HAPLN2: variants seen among roughly 807,000 people sequenced by gnomAD.
HAPLN2 encodes brain link protein-1.
Under a neutral mutation model 29.3 loss-of-function variants are expected in HAPLN2, and 27 were observed. The ratio of observed to expected loss-of-function variants is 0.92; its 90% CI spans 0.68 to 1.27. The LOEUF (loss-of-function observed/expected upper bound fraction) is 1.27. HAPLN2 is among the 50% of genes most tolerant of loss of function. HAPLN2 has a pLI of 0.00. For missense variants in HAPLN2, 454 were observed against 484.3 expected (o/e 0.94, Z 0.59); for synonymous variants, 208 against 211.7 (o/e 0.98, Z 0.15).
At chr1:156,602,549 CAAAAAAAAA>C in the HAPLN2 span, among the ~76,000 whole-genome samples, 11 of 43,790 alleles carry the variant, frequency 2.5e-4, no homozygotes, top group East Asian at 3.2e-3. Context: ...CTAAAAATAC[CAAAAAAAAA>C]AAAAAAAAAA....
chr1:156,625,629 C>A lies in HAPLN2; in HGVS notation c.*245C>A. ...CTCGGACCCGCTGCCGTTCGCGAACCCTAGCAGAGGACTCAGCCACCGCCG... is the reference window on the plus strand; with the variant it reads ...CTCGGACCCGCTGCCGTTCGCGAACACTAGCAGAGGACTCAGCCACCGCCG... On this transcript the variant is annotated 3_prime_UTR_variant, in exon 7 of 7. Coordinates refer to ENST00000255039, the MANE Select transcript of HAPLN2 (RefSeq NM_021817.3). This position sits in a 1 kb window ranked among gnomAD's most constrained non-coding sequence, Gnocchi z 5.7. 1 of 456,052 alleles carries A rather than the reference C, an allele frequency of 2.2e-6. No individual in the cohort carries two copies. The highest frequency in any genetic ancestry group is 3.8e-6 in the Non-Finnish European group (1 of 260,978). The allele number at this position is 456,052 out of a possible 1,614,324, so 28.3% of individuals were successfully genotyped here. A position where few individuals can be genotyped will look rare whatever the true frequency, so the allele number is the denominator to read the frequency against.
In HAPLN2 at chr1:156,624,441, T is replaced by C. The variant is rs753055672; in HGVS notation, c.530T>C (p.Leu177Pro). The change falls in exon 5 of 7, where the codon CTG becomes CCG. Residue 177 changes from leucine (L) to proline (P), a missense_variant. Physicochemically the swap from Leu to Pro is moderately conservative, Grantham distance 98. This residue lies in a region of HAPLN2 where 15 missense variants were observed against 38.3 expected (regional missense o/e 0.39). Coordinates refer to ENST00000255039, the MANE Select transcript of HAPLN2 (RefSeq NM_021817.3). ...GCGTGCGAGGAGCAGGACGGACGCCTGGCCACCTACTCCCAGCTCTACCAG... is the reference window on the plus strand; with the variant it reads ...GCGTGCGAGGAGCAGGACGGACGCCCGGCCACCTACTCCCAGCTCTACCAG... ...KQACEEQDGRLATYSQLYQAW... is the reference protein window; with the variant it reads ...KQACEEQDGRPATYSQLYQAW... 1 of 1,612,554 alleles carries C rather than the reference T, an allele frequency of 6.2e-7. No individual in the cohort carries two copies.
the HAPLN2 span, among the ~76,000 whole-genome samples, chr1:156,613,281 G>T: frequency 8.5e-5 from 13 of 152,308 alleles, no homozygotes; most frequent in East Asian, 2.5e-3. Context: ...AACCCGGGAG[G>T]CAGAGGTTGC....
At chr1:156,611,726 A>C in the HAPLN2 span, among the ~76,000 whole-genome samples, 1 of 152,212 alleles carries the variant, frequency 6.6e-6, no homozygotes, top group Non-Finnish European at 1.5e-5. Flanking sequence ...TACCAGTGAT[A>C]ATGCCTAAAA....
the HAPLN2 span, among the ~76,000 whole-genome samples, chr1:156,606,607 C>T: frequency 6.6e-6 from 1 of 151,710 alleles, no homozygotes; most frequent in South Asian, 2.1e-4. Flanking sequence ...CTCAGCCTCC[C>T]AAGTAGCTGG....
At chr1:156,613,485 G>A in the HAPLN2 span, among the ~76,000 whole-genome samples, 3 of 152,212 alleles carry the variant, frequency 2.0e-5, no homozygotes, top group African/African-American at 4.8e-5. Context: ...ATTGTATCAA[G>A]TTCTGCAGGT....
In HAPLN2 at chr1:156,625,403, C is replaced by A. The variant is rs747011982; in HGVS notation, c.*19C>A. 4.2e-5 allele frequency: 66 copies of A among 1,556,030 alleles called. No individual in the cohort carries two copies. The highest frequency in any genetic ancestry group is 2.2e-4 in the South Asian group (19 of 85,316). ...GAATTAGGCGCCCACCGTGTCCCCT[C>A]CAGCGCGCGCGAAGAAGCTTGGGAG... is the stretch of plus-strand genomic sequence containing the variant. On this transcript the variant is annotated 3_prime_UTR_variant, in exon 7 of 7. Transcript: ENST00000255039. This position sits in a 1 kb window ranked among gnomAD's most constrained non-coding sequence, Gnocchi z 5.7.
upstream of HAPLN2, among the ~76,000 whole-genome samples, chr1:156,616,053 C>T (rs1038600344): frequency 6.6e-6 from 1 of 152,196 alleles, no homozygotes. Context: ...ACACAACAAT[C>T]CTAGTCATAA....
At chr1:156,601,531 C>CA in the HAPLN2 span, 1 of 1,444,988 alleles carries the variant, frequency 6.9e-7, no homozygotes, top group Non-Finnish European at 9.5e-7. Context: ...CCGCGGGAAC[C>CA]AAAATCACGG....
At chr1:156,608,352 A>G in the HAPLN2 span, among the ~76,000 whole-genome samples, 18 of 152,110 alleles carry the variant, frequency 1.2e-4, no homozygotes, top group African/African-American at 3.6e-4. Context: ...ATCTGGATGA[A>G]GCCCTGTCTC....
Position 156,625,268 on chromosome 1 carries a change from C to G in HAPLN2, c.907C>G (p.Pro303Ala), listed in dbSNP as rs755955123. Residue 303 changes from proline to alanine, a missense_variant, in exon 7 of 7, where the codon CCA (proline) becomes GCA (alanine). Physicochemically the swap from Pro to Ala is conservative, Grantham distance 27 (BLOSUM62 -1). This residue lies in a region of HAPLN2 where 235 missense variants were observed against 236.9 expected (regional missense o/e 0.99). Coordinates refer to ENST00000255039, the MANE Select transcript of HAPLN2 (RefSeq NM_021817.3). This position sits in a 1 kb window ranked among gnomAD's most constrained non-coding sequence, Gnocchi z 5.7. ...GCTGGCTGACGGCAGTGTGCGCTTCCCAATCACCACGCCGAGGCCGCGCTG... is the reference window on the plus strand; with the variant it reads ...GCTGGCTGACGGCAGTGTGCGCTTCGCAATCACCACGCCGAGGCCGCGCTG... ...GWLADGSVRF[P>A]ITTPRPRCGG... 1.9e-6 allele frequency: 3 copies of G among 1,576,530 alleles called. No homozygotes were observed. The South Asian group carries it at 3.5e-5, about 18-fold the overall frequency.
At chr1:156,620,348 A>G (rs1036271619) in intron 2 of HAPLN2, among the ~76,000 whole-genome samples, 190 bp downstream of exon 2, 1 of 152,140 alleles carries the variant, frequency 6.6e-6, no homozygotes, top group African/African-American at 2.4e-5. Flanking sequence ...AAATAGGTGC[A>G]CCTTGGTTTC....
chr1:156,602,285 C>T, the HAPLN2 span, among the ~76,000 whole-genome samples: 1 of 152,042 alleles, frequency 6.6e-6, no homozygotes, highest in Non-Finnish European at 1.5e-5. Context: ...GAACTTGTCC[C>T]TTTGGTACTG....
At chr1:156,609,813 C>T in the HAPLN2 span, among the ~76,000 whole-genome samples, 3 of 152,286 alleles carry the variant, frequency 2.0e-5, no homozygotes, top group African/African-American at 7.2e-5. Flanking sequence ...TCAGGTACTA[C>T]GCTTACTACC....
At position 156,623,053 on chromosome 1, in the gene HAPLN2, T is replaced by TAAAAAAAATA. The variant is rs1553235352; in HGVS notation, c.-24-411_-24-410insAAAAATAAAA. Among the ~76,000 whole-genome samples the TAAAAAAAATA allele has an allele frequency of 2.7e-4, 30 of 112,802 alleles. 2 individuals carry two copies. Among genetic ancestry groups the TAAAAAAAATA allele is most frequent in the African/African-American group, 7.1e-4 (22 of 31,126 alleles). The allele number at this position is 112,802 out of a possible 152,430, so 74.0% of individuals were successfully genotyped here. A position where few individuals can be genotyped will look rare whatever the true frequency, so the allele number is the denominator to read the frequency against. ...TGTCTCAAAAAAATAAATAAATAAA[T>TAAAAAAAATA]AAATAAATAAATAAATAAATAAATA... On this transcript the variant is annotated intron_variant, in intron 2 of 6. Transcript: ENST00000255039.
the HAPLN2 span, among the ~76,000 whole-genome samples, chr1:156,606,417 T>A: frequency 8.7e-6 from 1 of 115,594 alleles, no homozygotes; most frequent in South Asian, 3.6e-4. Flanking sequence ...AGAGTGAGAC[T>A]CTGTCTAAAA....
chr1:156,624,909 G>GGGGGCCCCCCCCCC, intron 6 of HAPLN2, 126 bp downstream of exon 6: 2 of 999,512 alleles, frequency 2.0e-6, no homozygotes, highest in Non-Finnish European at 2.8e-6. Flanking sequence ...CCCCCCATCA[G>GGGGGCCCCCCCCCC]CCCGCCCGCC....
chr1:156,612,684 G>C, the HAPLN2 span, among the ~76,000 whole-genome samples: 1 of 152,118 alleles, frequency 6.6e-6, no homozygotes, highest in African/African-American at 2.4e-5. Context: ...AAACACTAAA[G>C]CTGTCCTTAG....
the HAPLN2 span, among the ~76,000 whole-genome samples, chr1:156,602,007 C>T: frequency 6.6e-6 from 1 of 151,840 alleles, no homozygotes; most frequent in South Asian, 2.1e-4. Flanking sequence ...GATATCGACT[C>T]ACTCACTGTA....
Sources: gnomAD v4.1 joint callset for allele counts (sites outside exome capture counted in the v4.1 genomes callset) on GRCh38, gnomAD v4.1.1 for gene constraint, gnomAD v4.1.1 regional missense constraint, Gnocchi (gnomAD v3.1) non-coding constraint, MANE v1.5 for transcripts, NCBI Gene and HGNC (gene_info 2026-07-23, HGNC 2026-07-21) for gene names.